Variants in NOB1 observed in about 807,000 individuals in gnomAD.
NOB1 encodes the protein NIN1 (RPN12) binding protein 1 homolog, also known as RNA-binding protein NOB1.
NOB1 carries 44 observed loss-of-function variants against 44.8 expected under a neutral mutation model. The observed-to-expected ratio is 0.98, with a 90% CI of 0.77 to 1.26. NOB1 has a LOEUF of 1.26. Ranked by LOEUF, NOB1 falls within the 50% of genes most tolerant of loss-of-function variation. The pLI is 0.00. For synonymous variants in NOB1, 238 were observed against 218.7 expected, an observed-to-expected ratio of 1.09 and a Z score of -0.78; for missense variants, 560 against 544.8, an observed-to-expected ratio of 1.03 and a Z score of -0.28.
Position 69,751,955 on chromosome 16 carries a change from C to T in NOB1, c.327+286G>A, listed in dbSNP as rs937597766. Among the ~76,000 whole-genome samples, 18 of 152,202 alleles carry T rather than the reference C, an allele frequency of 1.2e-4. 2 individuals carry two copies. The highest frequency in any genetic ancestry group is 3.9e-4 in the East Asian group (2 of 5,166). On this transcript the variant is annotated intron_variant, in intron 3 of 8. Transcript: ENST00000268802. The stretch of plus-strand genomic sequence containing the variant: ...TGGGCGCCTGTAATCCTACCAACTA[C>T]TCTCGAGACTGAGGCAAGAGAATCG...
Position 69,754,869 on chromosome 16 carries a change from G to A in NOB1, c.42C>T (p.Phe14=). The change falls in exon 1 of 9, where the codon TTC becomes TTT. Residue 14 remains phenylalanine (F), a synonymous_variant. Transcript: ENST00000268802. ...GTACCTGCAGAGCCGCATGCCGCAG[G>A]AAAGCCCCAGCATCCGCCACAACGT... ...VEHVVADAGA[F]LRHAALQDIG... 2 of 1,596,736 alleles carry A rather than the reference G, an allele frequency of 1.3e-6. No homozygotes were observed. The highest frequency in any genetic ancestry group is 1.1e-5 in the South Asian group (1 of 89,352).
Position 69,752,227 on chromosome 16 carries a change from T to C in NOB1, c.327+14A>G, listed in dbSNP as rs747274960. Reference sequence around the variant, plus strand: ...ATAATACAAAGCTTTTAAAAACCCATCCTCTTGATTTACCTTCTGTGGTTC... The same window carrying C: ...ATAATACAAAGCTTTTAAAAACCCACCCTCTTGATTTACCTTCTGTGGTTC... On this transcript the variant is annotated intron_variant, in intron 3 of 8. Coordinates refer to ENST00000268802, the MANE Select transcript of NOB1 (RefSeq NM_014062.3). The C allele has an allele frequency of 6.2e-7, 1 of 1,607,852 alleles. No homozygotes were observed. Among genetic ancestry groups the C allele is most frequent in the Admixed American group, 1.7e-5 (1 of 59,952 alleles).
At position 69,752,347 on chromosome 16, in the gene NOB1, C is replaced by G. The variant is rs1567644537; in HGVS notation, c.221G>C (p.Gly74Ala). Residue 74 changes from glycine to alanine, a missense_variant, in exon 3 of 9, where the codon GGA becomes GCA. By Grantham distance (60) the Gly-to-Ala change is moderately conservative. Coordinates refer to ENST00000268802, the MANE Select transcript of NOB1 (RefSeq NM_014062.3). ...RLVTEFSKKT[G>A]DYPSLSATDI... Reference sequence around the variant, plus strand: ...CGTGGCAGAGAGGCTGGGGTAGTCTCCTGTTTTCTTTGAAAACTCAGTCAC... The same window carrying G: ...CGTGGCAGAGAGGCTGGGGTAGTCTGCTGTTTTCTTTGAAAACTCAGTCAC... 4 of 1,613,244 alleles carry G rather than the reference C, an allele frequency of 2.5e-6. No homozygotes were observed. In the South Asian group the frequency reaches 3.3e-5, roughly 13 times the overall value.
At chr16:69,745,559 A>AT (rs2038423642) in intron 7 of NOB1, among the ~76,000 whole-genome samples, 2 of 152,234 alleles carry the variant, frequency 1.3e-5, no homozygotes, top group South Asian at 4.1e-4. Context: ...GCGGCAGAGC[A>AT]TATTAATGAG....
chr16:69,751,187 G>A (rs1319801281), intron 3 of NOB1, among the ~76,000 whole-genome samples: 3 of 152,098 alleles, frequency 2.0e-5, no homozygotes, highest in Non-Finnish European at 2.9e-5. Flanking sequence ...CTGGGCCCAA[G>A]TGATCCTCCT....
At chr16:69,748,394 AG>A in intron 6 of NOB1, 65 bp from the exon 7 acceptor site, 2 of 1,466,236 alleles carry the variant, frequency 1.4e-6, no homozygotes, top group African/African-American at 1.4e-5. Context: ...ATTACAGTTA[AG>A]GGAACTTCAC....
chr16:69,745,464 C>T (rs1366736723), intron 7 of NOB1, among the ~76,000 whole-genome samples: 2 of 152,248 alleles, frequency 1.3e-5, no homozygotes, highest in Non-Finnish European at 2.9e-5. Context: ...CATCACGGCA[C>T]TTTCTCGAGG....
At chr16:69,753,255 T>C (rs4985518) in intron 2 of NOB1, among the ~76,000 whole-genome samples, 40,668 of 152,132 alleles carry the variant, frequency 0.27, 5,995 homozygotes, top group East Asian at 0.4. Context: ...AGGAGCATTC[T>C]GGATTTCAGA....
rs752972297 is a variant in NOB1, at chr16:69,742,532, G to A, written c.1039C>T (p.Pro347Ser). ...NPHLTEDQRF[P>S]QLRLSQKARQ... ...GCCTTTTGGGAGAGTCGCAGCTGAG[G>A]GAAGCGCTGATCCTCGGTGAGATGG... The change falls in exon 9 of 9, where the codon CCT (proline) becomes TCT (serine). Residue 347 changes from proline (P) to serine (S), a missense_variant. Transcript: ENST00000268802. 40 of 1,614,182 alleles carry A rather than the reference G, an allele frequency of 2.5e-5. No homozygotes were observed. The Middle Eastern group carries it at 8.2e-4, about 33-fold the overall frequency.
rs544557856 is a variant in NOB1 at position 69,744,480 on chromosome 16, C to A, written c.969+393G>T. Among the ~76,000 whole-genome samples, 7 of 152,310 alleles carry A rather than the reference C, an allele frequency of 4.6e-5. No homozygotes were observed. In the East Asian group the frequency reaches 1.4e-3, roughly 29 times the overall value. On this transcript the variant is annotated intron_variant, in intron 8 of 8. Coordinates refer to ENST00000268802, the MANE Select transcript of NOB1 (RefSeq NM_014062.3). ...CCACTCATTCGTCCTCCAATCCTTC[C>A]CTCCCGATTCTCTGCGTCGGCAGCT...
At chr16:69,753,801 TTTTC>T (rs2038501897) in intron 2 of NOB1, among the ~76,000 whole-genome samples, 1 of 152,136 alleles carries the variant, frequency 6.6e-6, no homozygotes, top group Non-Finnish European at 1.5e-5. Context: ...AATTCTTTAA[TTTTC>T]TTTATTTCTT....
At chr16:69,749,655 C>T in intron 3 of NOB1, 25 bp from the exon 4 acceptor site, 1 of 1,557,518 alleles carries the variant, frequency 6.4e-7, no homozygotes, top group Non-Finnish European at 8.7e-7. Flanking sequence ...AAAACATATA[C>T]CTCTTGTTAT....
intron 5 of NOB1, 24 bp downstream of exon 5, chr16:69,749,189 G>A: frequency 6.2e-7 from 1 of 1,613,146 alleles, no homozygotes. Flanking sequence ...GCTGTCGTCA[G>A]AAGACCAAAA....
intron 2 of NOB1, among the ~76,000 whole-genome samples, chr16:69,753,963 G>A (rs1471902993): frequency 3.9e-5 from 6 of 152,044 alleles, no homozygotes; most frequent in Admixed American, 6.6e-5. Flanking sequence ...ACACCACCAC[G>A]CCCAGCTAAT....
At chr16:69,744,763 C>T (rs118143822) in intron 8 of NOB1, 110 bp downstream of exon 8, 2 of 1,280,930 alleles carry the variant, frequency 1.6e-6, no homozygotes, top group Non-Finnish European at 2.1e-6. Context: ...ACCTAGGTCA[C>T]AGGCTTTCAA....
chr16:69,746,258 T>A (rs1315598387), intron 7 of NOB1, among the ~76,000 whole-genome samples: 1 of 152,200 alleles, frequency 6.6e-6, no homozygotes, highest in Non-Finnish European at 1.5e-5. Context: ...CATCGGCCTC[T>A]ACAACAAGGG....
chr16:69,748,487 C>T (rs1372441970), intron 6 of NOB1, among the ~76,000 whole-genome samples, 158 bp from the exon 7 acceptor site: 1 of 152,100 alleles, frequency 6.6e-6, no homozygotes, highest in African/African-American at 2.4e-5. Flanking sequence ...TAAACGAGGA[C>T]GAAGGCCCAG....
intron 8 of NOB1, 118 bp from the exon 9 acceptor site, chr16:69,742,719 G>A: frequency 1.0e-6 from 1 of 1,002,686 alleles, no homozygotes; most frequent in East Asian, 2.4e-5. Flanking sequence ...ACAGCGGGTG[G>A]TAATTGACTG....
At chr16:69,745,312 A>G (rs2038421406) in intron 7 of NOB1, among the ~76,000 whole-genome samples, 1 of 152,226 alleles carries the variant, frequency 6.6e-6, no homozygotes, top group African/African-American at 2.4e-5. Flanking sequence ...TAGGGTTCAC[A>G]TCACTAGTCC....
Sources: gnomAD v4.1 joint callset for allele counts (sites outside exome capture counted in the v4.1 genomes callset) on GRCh38, gnomAD v4.1.1 for gene constraint, MANE v1.5 for transcripts, NCBI Gene and HGNC (gene_info 2026-07-23, HGNC 2026-07-21) for gene names.